Variants in KIAA1217 observed in about 807,000 individuals in gnomAD.
KIAA1217 encodes the protein sickle tail protein homolog.
KIAA1217 carries 88 observed loss-of-function variants against 163.9 expected under a neutral mutation model. The ratio of observed to expected loss-of-function variants is 0.54; its 90% CI spans 0.45 to 0.64. The LOEUF is 0.64. KIAA1217 is among the 30% of genes least tolerant of loss of function. The pLI is 0.00. For missense variants in KIAA1217, 2,372 were observed against 2,475.0 expected (o/e 0.96, Z 0.88); for synonymous variants, 903 against 923.1 (o/e 0.98, Z 0.39).
intron 2 of KIAA1217, among the ~76,000 whole-genome samples, chr10:24,180,245 T>C (rs920859156): frequency 4.7e-5 from 7 of 150,180 alleles, no homozygotes; most frequent in African/African-American, 1.7e-4. Context: ...GGTCCTTCCC[T>C]ATCTTTCCAG....
intron 1 of KIAA1217, among the ~76,000 whole-genome samples, chr10:23,913,177 T>C (rs189123327): frequency 6.6e-6 from 1 of 152,274 alleles, no homozygotes; most frequent in Admixed American, 6.5e-5. Flanking sequence ...GACCTTGCTT[T>C]GACTGAGCAG....
At chr10:24,299,262 A>C (rs2041004272) in intron 2 of KIAA1217, among the ~76,000 whole-genome samples, 1 of 152,194 alleles carries the variant, frequency 6.6e-6, no homozygotes, top group Non-Finnish European at 1.5e-5. Context: ...CTAACAACCA[A>C]CTTAGGTTTG....
At chr10:23,735,640 G>C (rs116934122) in intron 1 of KIAA1217, among the ~76,000 whole-genome samples, 2,347 of 151,586 alleles carry the variant, frequency 0.015, 23 homozygotes, top group Non-Finnish European at 0.024. Flanking sequence ...TAGGTTATTT[G>C]CTTTATTCTC....
At chr10:23,881,433 T>A (rs1015941690) in intron 1 of KIAA1217, among the ~76,000 whole-genome samples, 8 of 151,968 alleles carry the variant, frequency 5.3e-5, no homozygotes, top group African/African-American at 2.4e-5. Flanking sequence ...TTTAAATATT[T>A]ATGCTTCTTT....
intron 1 of KIAA1217, among the ~76,000 whole-genome samples, chr10:23,818,353 TATA>T (rs1837463955): frequency 7.6e-6 from 1 of 131,274 alleles, no homozygotes. Context: ...TATAAAAAAA[TATA>T]TATATATATA....
chr10:23,912,469 C>T (rs551390283), intron 1 of KIAA1217, among the ~76,000 whole-genome samples: 2 of 151,848 alleles, frequency 1.3e-5, no homozygotes, highest in Admixed American at 1.3e-4. Flanking sequence ...GGTACTTTTT[C>T]AACCCTCACC....
intron 5 of KIAA1217, among the ~76,000 whole-genome samples, chr10:24,442,123 A>G (rs1424251887): frequency 6.6e-6 from 1 of 151,958 alleles, no homozygotes; most frequent in Non-Finnish European, 1.5e-5. Context: ...GATTGGCCCT[A>G]CCTCTTAAAT....
At chr10:24,405,337 A>G (rs2057092245) in intron 3 of KIAA1217, among the ~76,000 whole-genome samples, 1 of 152,198 alleles carries the variant, frequency 6.6e-6, no homozygotes, top group African/African-American at 2.4e-5. Flanking sequence ...TCTAAGAAGG[A>G]TAATAAACCT....
At chr10:23,877,822 G>A (rs1357094874) in intron 1 of KIAA1217, among the ~76,000 whole-genome samples, 5 of 151,900 alleles carry the variant, frequency 3.3e-5, no homozygotes, top group Non-Finnish European at 7.4e-5. Context: ...ATGAGCACAG[G>A]TACATAAAAG....
intron 1 of KIAA1217, among the ~76,000 whole-genome samples, chr10:23,923,580 T>C (rs1160404292): frequency 1.3e-5 from 2 of 152,000 alleles, no homozygotes; most frequent in African/African-American, 4.8e-5. Context: ...GGTGATGGAA[T>C]GACAGAAGCA....
At chr10:23,832,269 A>G (rs1173760612) in intron 1 of KIAA1217, among the ~76,000 whole-genome samples, 2 of 152,308 alleles carry the variant, frequency 1.3e-5, no homozygotes, top group Admixed American at 6.5e-5. Flanking sequence ...CTGGTCTATT[A>G]TAAAGATTAT....
Position 24,264,823 on chromosome 10 carries a change from CTCTCCCTT to C in KIAA1217, c.354+44927_354+44934del, listed in dbSNP as rs936181166. 5.3e-5 allele frequency among the ~76,000 whole-genome samples: 8 copies of C among 151,616 alleles called. No homozygotes were observed. In the East Asian group the frequency reaches 5.9e-4, roughly 11 times the overall value. ...TCTCTCATTCTCTCTTTCTCTCTCT[CTCTCCCTT>C]TCTCCCTTTCTCTCTTTCTCTGTCT... On this transcript the variant is annotated intron_variant, in intron 2 of 20. Transcript: ENST00000376454.
intron 2 of KIAA1217, among the ~76,000 whole-genome samples, chr10:24,177,258 CATATATATATATATATAT>C (rs1210930891): frequency 0.01 from 263 of 25,152 alleles, 16 homozygotes; most frequent in African/African-American, 0.042. Context: ...CTCTCACCAT[CATATATATATATATATAT>C]ATATATATAT....
intron 2 of KIAA1217, among the ~76,000 whole-genome samples, chr10:24,027,281 C>A (rs1564619606): frequency 6.6e-6 from 1 of 152,024 alleles, no homozygotes; most frequent in Non-Finnish European, 1.5e-5. Context: ...CAGATGGTGA[C>A]CTGGGGCATT....
At chr10:23,915,597 A>T (rs942722957) in intron 1 of KIAA1217, among the ~76,000 whole-genome samples, 1 of 152,170 alleles carries the variant, frequency 6.6e-6, no homozygotes, top group South Asian at 2.1e-4. Context: ...CTAGGGAAAG[A>T]TGGGTAAGGG....
In KIAA1217 at chr10:24,431,907, C is replaced by T. The variant is rs182995872; in HGVS notation, c.554-1088C>T. ...AACATTGAGGTGCCAGATTCTAGCA[C>T]GATATGAACATTCAATAAATATGTA... On this transcript the variant is annotated intron_variant, in intron 3 of 20. Transcript: ENST00000376454. Among the ~76,000 whole-genome samples the T allele has an allele frequency of 2.7e-3, 418 of 152,104 alleles. 4 individuals are homozygous for T. The highest frequency in any genetic ancestry group is 9.4e-3 in the African/African-American group (389 of 41,482).
At position 23,914,583 on chromosome 10, in the gene KIAA1217, G is replaced by A. The variant is rs149310165; in HGVS notation, c.-320-92642G>A. ...TCCCACTCTGGCCTCCCAAAGCACT[G>A]GGATTACAGGTGTGAGCCACCATGG... is the stretch of plus-strand genomic sequence containing the variant. On this transcript the variant is annotated intron_variant, in intron 1 of 18. Transcript: ENST00000376462. 2.2e-3 allele frequency among the ~76,000 whole-genome samples: 333 copies of A among 152,188 alleles called. 1 individual carries two copies. Among genetic ancestry groups the A allele is most frequent in the African/African-American group, 7.6e-3 (316 of 41,524 alleles).
Position 24,337,650 on chromosome 10 carries a change from C to CTTTTCTTTTCTTTTCT in KIAA1217, c.355-43215_355-43214insCTTTTCTTTTCTTTTT, listed in dbSNP as rs1554821347. Among the ~76,000 whole-genome samples the CTTTTCTTTTCTTTTCT allele has an allele frequency of 2.9e-4, 12 of 40,882 alleles. No homozygotes were observed. In the East Asian group the frequency reaches 3.5e-3, roughly 12 times the overall value. The allele number at this position is 40,882 out of a possible 152,430, so 26.8% of individuals were successfully genotyped here. On this transcript the variant is annotated intron_variant, in intron 2 of 20. Transcript: ENST00000376454. ...CTTTTCTTTTCTTTTCTTTTCTTTT[C>CTTTTCTTTTCTTTTCT]TTTTTTTTTTTTGAGACGAGTCTCA...
At chr10:24,452,121 A>G (rs2061417308) in intron 5 of KIAA1217, among the ~76,000 whole-genome samples, 1 of 152,208 alleles carries the variant, frequency 6.6e-6, no homozygotes, top group South Asian at 2.1e-4. Flanking sequence ...AAGTGTTTTT[A>G]AGATACATTT....
Sources: allele counts gnomAD v4.1 joint callset (sites outside exome capture counted in the v4.1 genomes callset), GRCh38; gene constraint gnomAD v4.1.1; transcripts MANE v1.5; gene names NCBI Gene and HGNC (gene_info 2026-07-23, HGNC 2026-07-21).